Variants in ZNF248 observed in about 807,000 individuals in gnomAD.
ZNF248 encodes KRAB protein domain.
A neutral mutation model predicts 44.3 loss-of-function variants in ZNF248; 20 were observed. The observed-to-expected ratio is 0.45, with a 90% CI of 0.32 to 0.66. The LOEUF (loss-of-function observed/expected upper bound fraction) is 0.66. Among genes scored for constraint, ZNF248 ranks in the 30% least tolerant of loss-of-function variants. ZNF248 has a pLI of 0.04. For synonymous variants in ZNF248, 224 were observed against 229.0 expected (o/e 0.98, Z 0.20); for missense variants, 654 against 677.0 (o/e 0.97, Z 0.38).
intron 6 of ZNF248, among the ~76,000 whole-genome samples, chr10:37,779,649 T>C (rs1270269098): frequency 6.6e-6 from 1 of 151,998 alleles, no homozygotes; most frequent in Non-Finnish European, 1.5e-5. Context: ...AACATAGTGG[T>C]GGAAGTTCTG....
intron 6 of ZNF248, among the ~76,000 whole-genome samples, chr10:37,790,952 G>A (rs1410553757): frequency 6.9e-6 from 1 of 144,630 alleles, no homozygotes; most frequent in Non-Finnish European, 1.5e-5. Flanking sequence ...TACTAGAAGT[G>A]TAGTTTAGCT....
At chr10:37,819,628 T>G (rs577392315) in intron 6 of ZNF248, 1 of 820,026 alleles carries the variant, frequency 1.2e-6, no homozygotes, top group South Asian at 1.3e-5. Flanking sequence ...TTCTAACCCT[T>G]TCTAGCCTTT....
chr10:37,820,906 C>T lies in ZNF248; in HGVS notation c.330+12119G>A, dbSNP rs1365294772. On this transcript the variant is annotated intron_variant, in intron 6 of 6. Transcript: ENST00000615949. The stretch of plus-strand genomic sequence containing the variant: ...TTTTTTCCTCTTCTAGTTTTCCTTA[C>T]TAATACCTACTCTAGTAAACCTGGC... 3 of 1,496,392 alleles carry T rather than the reference C, an allele frequency of 2.0e-6. No individual in the cohort carries two copies. In the African/African-American group the frequency reaches 4.1e-5, roughly 21 times the overall value. The allele number at this position is 1,496,392 out of a possible 1,614,324, so 92.7% of individuals were successfully genotyped here.
chr10:37,835,219 T>A (rs1416717280), intron 5 of ZNF248, among the ~76,000 whole-genome samples: 1 of 152,198 alleles, frequency 6.6e-6, no homozygotes, highest in Non-Finnish European at 1.5e-5. Context: ...GTTTTGCTTT[T>A]GAGTTATATC....
At chr10:37,777,549 T>C (rs1272670689) in intron 6 of ZNF248, among the ~76,000 whole-genome samples, 5 of 148,398 alleles carry the variant, frequency 3.4e-5, no homozygotes, top group African/African-American at 1.2e-4. Context: ...TTTTTTTTTT[T>C]TTCAATTAAA....
chr10:37,832,191 G>A lies in ZNF248; in HGVS notation c.1164C>T (p.Thr388=), dbSNP rs1237959756. Reference sequence around the variant, plus strand: ...GAGTGAGGTTTGACTTCTCCCAGAAGGTTTTCCCACATTCACCACATTCAA... The same window carrying A: ...GAGTGAGGTTTGACTTCTCCCAGAAAGTTTTCCCACATTCACCACATTCAA... ...KTFECGECGK[T]FWEKSNLTQH... The change falls in exon 6 of 6, where the codon ACC becomes ACT. Residue 388 remains threonine (T), a synonymous_variant. Coordinates refer to ENST00000395867, the MANE Select transcript of ZNF248 (RefSeq NM_021045.3). The A allele has an allele frequency of 1.2e-6, 2 of 1,614,060 alleles. No individual in the cohort carries two copies. The highest frequency in any genetic ancestry group is 3.3e-5 in the Admixed American group (2 of 59,994).
At chr10:37,823,746 G>C (rs576672579) in intron 6 of ZNF248, among the ~76,000 whole-genome samples, 1 of 151,974 alleles carries the variant, frequency 6.6e-6, no homozygotes, top group East Asian at 2.0e-4. Context: ...GCTAATTTTT[G>C]TATTTTTAGT....
the ZNF248 span, among the ~76,000 whole-genome samples, chr10:37,769,336 C>T: frequency 6.6e-6 from 1 of 152,154 alleles, no homozygotes; most frequent in African/African-American, 2.4e-5. Flanking sequence ...GAATTTTAGA[C>T]CAATATCCTT....
At chr10:37,792,396 AG>A (rs1291533765) in intron 6 of ZNF248, among the ~76,000 whole-genome samples, 1 of 152,228 alleles carries the variant, frequency 6.6e-6, no homozygotes, top group Non-Finnish European at 1.5e-5. Flanking sequence ...TAAACAAATG[AG>A]AAAGAACAAA....
At position 37,856,332 on chromosome 10, in the gene ZNF248, G is replaced by A. The variant is rs1237963693; in HGVS notation, c.-22C>T. 42 of 1,613,380 alleles carry A rather than the reference G, an allele frequency of 2.6e-5. No homozygotes were observed. In the Admixed American group the frequency reaches 6.8e-4, roughly 26 times the overall value. ...TCATTTTCCGCTCTTAGTGGAGGAA[G>A]GAGAGCTGAAGGATTAGAAAGGAAG... On this transcript the variant is annotated 5_prime_UTR_variant, in exon 3 of 6. Transcript: ENST00000395867.
At chr10:37,770,712 G>A in the ZNF248 span, among the ~76,000 whole-genome samples, 1 of 152,100 alleles carries the variant, frequency 6.6e-6, no homozygotes, top group African/African-American at 2.4e-5. Flanking sequence ...ACAGACATGG[G>A]GAAGGACTTC....
rs994125299 is a variant in ZNF248 at position 37,832,767 on chromosome 10, C to A, written c.588G>T (p.Arg196Ser). 4 of 1,613,552 alleles carry A rather than the reference C, an allele frequency of 2.5e-6. No individual in the cohort carries two copies. In the South Asian group the frequency reaches 4.4e-5, roughly 18 times the overall value. ...GATCCTGGTGATAATTAATGGCATT[C>A]CTTTTTTGATCATATTTATAAGACT... ...GEKSYKYDQKRNAINYHQDLS... is the reference protein window; with the variant it reads ...GEKSYKYDQKSNAINYHQDLS... Residue 196 changes from arginine to serine, a missense_variant, in exon 6 of 6, where the codon AGG becomes AGT. Arg to Ser is a moderately radical substitution (Grantham distance 110, BLOSUM62 -1). Coordinates refer to ENST00000395867, the MANE Select transcript of ZNF248 (RefSeq NM_021045.3).
upstream of ZNF248, chr10:37,857,763 A>G (rs1354277717): frequency 2.0e-5 from 3 of 152,230 alleles, no homozygotes; most frequent in African/African-American, 4.8e-5. Flanking sequence ...CGCATTGCCT[A>G]CCCCGTGCTA....
the ZNF248 span, among the ~76,000 whole-genome samples, chr10:37,768,565 C>A: frequency 1.1e-3 from 162 of 152,196 alleles, 1 homozygote; most frequent in South Asian, 0.033. Flanking sequence ...GATGTTCTTT[C>A]AAACCAACAA....
Position 37,832,256 on chromosome 10 carries a change from G to A in ZNF248, c.1099C>T (p.Leu367Phe). ...NGSNFSKKSH[L>F]TQLRRAHTGE... ...GTGTGAGCTCTCCGAAGCTGGGTAA[G>A]ATGTGACTTCTTGCTGAAATTACTC... Residue 367 changes from leucine (L) to phenylalanine (F), a missense_variant, in exon 6 of 6, where the codon CTT (leucine) becomes TTT (phenylalanine). Coordinates refer to ENST00000395867, the MANE Select transcript of ZNF248 (RefSeq NM_021045.3). 1 of 1,614,044 alleles carries A rather than the reference G, an allele frequency of 6.2e-7. No homozygotes were observed. The highest frequency in any genetic ancestry group is 1.7e-4 in the Middle Eastern group (1 of 6,060).
chr10:37,772,400 G>C (rs2046290339), downstream of ZNF248, among the ~76,000 whole-genome samples: 1 of 152,066 alleles, frequency 6.6e-6, no homozygotes, highest in Non-Finnish European at 1.5e-5. Flanking sequence ...AATATATATT[G>C]CCACCAGACA....
chr10:37,781,855 G>T (rs2047353644), intron 6 of ZNF248, among the ~76,000 whole-genome samples: 1 of 152,126 alleles, frequency 6.6e-6, no homozygotes, highest in African/African-American at 2.4e-5. Context: ...CTTTAATAAG[G>T]TTATTAATCT....
At chr10:37,772,610 T>C (rs1490342782), downstream of ZNF248, among the ~76,000 whole-genome samples, 2 of 152,180 alleles carry the variant, frequency 1.3e-5, no homozygotes, top group African/African-American at 4.8e-5. Context: ...GAGAAAAAGA[T>C]TTTGCTTTAA....
At chr10:37,767,641 G>A in the ZNF248 span, among the ~76,000 whole-genome samples, 20 of 152,124 alleles carry the variant, frequency 1.3e-4, no homozygotes, top group Non-Finnish European at 2.1e-4. Flanking sequence ...ACATGGAAAG[G>A]AACAACCAGT....
Sources: allele counts gnomAD v4.1 joint callset (sites outside exome capture counted in the v4.1 genomes callset), GRCh38; gene constraint gnomAD v4.1.1; transcripts MANE v1.5; gene names NCBI Gene and HGNC (gene_info 2026-07-23, HGNC 2026-07-21).